SLC43A1: variants seen among roughly 807,000 people sequenced by gnomAD.
The protein encoded by SLC43A1 is large neutral amino acids transporter small subunit 3.
Under a neutral mutation model 59.5 loss-of-function variants are expected in SLC43A1, and 31 were observed. The ratio of observed to expected loss-of-function variants is 0.52; its 90% CI spans 0.39 to 0.70. The LOEUF (loss-of-function observed/expected upper bound fraction) is 0.70, where lower values mean the gene tolerates loss of function less well. Ranked by LOEUF, SLC43A1 falls within the 30% of genes least tolerant of loss-of-function variation. The pLI is 0.00. For missense variants in SLC43A1, 598 were observed against 717.8 expected, an observed-to-expected ratio of 0.83 and a Z score of 1.91; for synonymous variants, 259 against 290.9, an observed-to-expected ratio of 0.89 and a Z score of 1.12.
intron 7 of SLC43A1, among the ~76,000 whole-genome samples, chr11:57,495,728 G>A (rs1345902566): frequency 6.6e-6 from 1 of 152,152 alleles, no homozygotes; most frequent in East Asian, 1.9e-4. Context: ...GGGAGGCAGA[G>A]GGAGAGGTTC....
At chr11:57,497,688 G>C in intron 6 of SLC43A1, 65 bp downstream of exon 6, 2 of 1,263,386 alleles carry the variant, frequency 1.6e-6, no homozygotes, top group Non-Finnish European at 2.3e-6. Flanking sequence ...AGCACTAGCT[G>C]CTGCTCACTC....
At chr11:57,497,625 T>C in intron 6 of SLC43A1, 128 bp downstream of exon 6, 1 of 636,848 alleles carries the variant, frequency 1.6e-6, no homozygotes, top group Non-Finnish European at 2.8e-6. Context: ...GGGGAAGGCC[T>C]GCATTGGGAT....
At position 57,501,178 on chromosome 11, in the gene SLC43A1, G is replaced by A. The variant is rs145104521; in HGVS notation, c.306C>T (p.Gly102=). The A allele has an allele frequency of 6.2e-7, 1 of 1,612,302 alleles. No homozygotes were observed. The highest frequency in any genetic ancestry group is 8.5e-7 in the Non-Finnish European group (1 of 1,180,022). The change falls in exon 3 of 15, where the codon GGC becomes GGT. Residue 102 remains glycine (G), a synonymous_variant. Coordinates refer to ENST00000278426, the MANE Select transcript of SLC43A1 (RefSeq NM_003627.6). ...TGCCAACCAGCCGCACGGGTCGGGG[G>A]CCAAAGCGGTCCATGAGGATCCCCA... The part of the protein sequence containing the change: ...LPLGILMDRF[G]PRPVRLVGSA...
At chr11:57,493,857 G>A in intron 8 of SLC43A1, 136 bp downstream of exon 8, 1 of 777,456 alleles carries the variant, frequency 1.3e-6, no homozygotes, top group South Asian at 2.2e-5. Flanking sequence ...TAAATGAGGA[G>A]CATGCCCCAC....
chr11:57,488,833 C>T (rs1943816304), intron 13 of SLC43A1, 83 bp downstream of exon 13: 5 of 1,169,648 alleles, frequency 4.3e-6, no homozygotes, highest in South Asian at 1.2e-5. Flanking sequence ...TTAGGGGATG[C>T]CTGGGGCCCT....
intron 6 of SLC43A1, among the ~76,000 whole-genome samples, chr11:57,496,530 C>T (rs897247203): frequency 2.6e-5 from 4 of 152,154 alleles, no homozygotes; most frequent in South Asian, 4.1e-4. Flanking sequence ...TTTCATAGTA[C>T]GTACAAAGGA....
Position 57,491,698 on chromosome 11 carries a change from G to C in SLC43A1, c.1018+18C>G, listed in dbSNP as rs752344384. The C allele has an allele frequency of 3.1e-6, 5 of 1,614,252 alleles. No homozygotes were observed. In the East Asian group the frequency reaches 1.1e-4, roughly 36 times the overall value. On this transcript the variant is annotated intron_variant, in intron 9 of 14. Transcript: ENST00000278426. ...CCGCCTGTGCCCCCAACCCCCAGGGGCCTCAGCGGTGCCTCACCATGCTCC... is the reference window on the plus strand; with the variant it reads ...CCGCCTGTGCCCCCAACCCCCAGGGCCCTCAGCGGTGCCTCACCATGCTCC...
At position 57,514,088 on chromosome 11, in the gene SLC43A1, C is replaced by G; in HGVS notation, c.24G>C (p.Ala8=). 6.2e-7 allele frequency: 1 copy of G among 1,600,334 alleles called. No individual in the cohort carries two copies. Reference sequence around the variant, plus strand: ...AGGCCATCCACCAGCGCCTCCGGTACGCCTGTTGCAGCGTGGGGGCCATGC... The same window carrying G: ...AGGCCATCCACCAGCGCCTCCGGTAGGCCTGTTGCAGCGTGGGGGCCATGC... MAPTLQQ[A]YRRRWWMACT... Residue 8 remains alanine, a synonymous_variant, in exon 2 of 15, where the codon GCG becomes GCC. Transcript: ENST00000278426. The surrounding 1 kb of genome is among the most constrained non-coding windows in gnomAD (Gnocchi z 5.5).
intron 7 of SLC43A1, among the ~76,000 whole-genome samples, chr11:57,495,596 G>C (rs1944055291): frequency 6.6e-6 from 1 of 152,184 alleles, no homozygotes; most frequent in African/African-American, 2.4e-5. Flanking sequence ...AAGGGCAAGG[G>C]GGGAGGATCC....
intron 2 of SLC43A1, among the ~76,000 whole-genome samples, chr11:57,502,314 A>C (rs910553003): frequency 6.6e-6 from 1 of 152,260 alleles, no homozygotes; most frequent in African/African-American, 2.4e-5. Flanking sequence ...CTAGCTGTGC[A>C]CCTTGACCAA....
intron 2 of SLC43A1, among the ~76,000 whole-genome samples, chr11:57,506,410 C>T (rs1372432884): frequency 1.3e-5 from 2 of 152,086 alleles, no homozygotes; most frequent in East Asian, 1.9e-4. Context: ...GTGGTGTGCA[C>T]CTGTAGTCCA....
chr11:57,508,028 A>C (rs1342256936), intron 2 of SLC43A1, among the ~76,000 whole-genome samples: 1 of 152,254 alleles, frequency 6.6e-6, no homozygotes, highest in Non-Finnish European at 1.5e-5. Context: ...ACACTTTGGG[A>C]GGCCAAGGCG....
In SLC43A1 at chr11:57,501,198, T is replaced by A. The variant is rs564821448; in HGVS notation, c.286A>T (p.Ile96Phe). The change falls in exon 3 of 15, where the codon ATC becomes TTC. Residue 96 changes from isoleucine to phenylalanine, a missense_variant. Transcript: ENST00000278426. ...CGGGGGCCAAAGCGGTCCATGAGGATCCCCAGTGGCAGGGTGGTGGCGCTG... is the reference window on the plus strand; with the variant it reads ...CGGGGGCCAAAGCGGTCCATGAGGAACCCCAGTGGCAGGGTGGTGGCGCTG... ...VLSATTLPLG[I>F]LMDRFGPRPV... The A allele has an allele frequency of 5.0e-5, 81 of 1,612,412 alleles. No homozygotes were observed. Among genetic ancestry groups the A allele is most frequent in the Admixed American group, 8.3e-5 (5 of 60,018 alleles).
At chr11:57,509,721 A>AGAAGGAAG (rs59036724) in intron 2 of SLC43A1, among the ~76,000 whole-genome samples, 5 of 133,740 alleles carry the variant, frequency 3.7e-5, no homozygotes, top group African/African-American at 5.8e-5. Flanking sequence ...AGGGAGGGAA[A>AGAAGGAAG]GAAGGAAGGA....
chr11:57,493,737 A>G (rs1943998425), intron 8 of SLC43A1, among the ~76,000 whole-genome samples: 1 of 152,206 alleles, frequency 6.6e-6, no homozygotes, highest in Non-Finnish European at 1.5e-5. Flanking sequence ...ACAGGCCCAG[A>G]GACCTTGTCC....
intron 2 of SLC43A1, among the ~76,000 whole-genome samples, chr11:57,512,511 T>A (rs1944574165): frequency 6.7e-6 from 1 of 148,962 alleles, no homozygotes; most frequent in African/African-American, 2.5e-5. Flanking sequence ...GCCAATGCAC[T>A]CCAGCCTGGG....
At chr11:57,498,463 GAAAA>G (rs937698891) in intron 5 of SLC43A1, among the ~76,000 whole-genome samples, 19 of 152,006 alleles carry the variant, frequency 1.2e-4, no homozygotes, top group African/African-American at 4.6e-4. Flanking sequence ...AAAAAGAAAA[GAAAA>G]GAAAGAAACA....
Position 57,514,059 on chromosome 11 carries a change from G to C in SLC43A1, c.53C>G (p.Thr18Arg). The C allele has an allele frequency of 6.2e-7, 1 of 1,607,006 alleles. No homozygotes were observed. The highest frequency in any genetic ancestry group is 8.5e-7 in the Non-Finnish European group (1 of 1,176,758). Residue 18 changes from threonine to arginine, a missense_variant, in exon 2 of 15, where the codon ACG becomes AGG. Physicochemically the swap from Thr to Arg is moderately conservative, Grantham distance 71. Transcript: ENST00000278426. The surrounding 1 kb of genome is among the most constrained non-coding windows in gnomAD (Gnocchi z 5.5). ...AYRRRWWMACTAVLENLFFSA... is the reference protein window; with the variant it reads ...AYRRRWWMACRAVLENLFFSA... ...GAAGAAGAGGTTCTCCAGCACAGCC[G>C]TGCAGGCCATCCACCAGCGCCTCCG... is the stretch of plus-strand genomic sequence containing the variant.
At chr11:57,487,330 A>G (rs1461765323) in intron 13 of SLC43A1, 112 bp from the exon 14 acceptor site, 4 of 1,352,480 alleles carry the variant, frequency 3.0e-6, no homozygotes, top group Middle Eastern at 2.7e-4. Context: ...GGTGGTGCTT[A>G]AGCGTTCGGG....
Sources: allele counts gnomAD v4.1 joint callset (sites outside exome capture counted in the v4.1 genomes callset), GRCh38; gene constraint gnomAD v4.1.1; non-coding constraint Gnocchi (gnomAD v3.1); transcripts MANE v1.5; gene names NCBI Gene and HGNC (gene_info 2026-07-23, HGNC 2026-07-21).